The following MTCL2 variants were observed in gnomAD, a reference collection of about 807,000 sequenced individuals.
MTCL2 encodes microtubule cross-linking factor 2.
At chr20:36,806,383 G>A in the MTCL2 span, among the ~76,000 whole-genome samples, 4 of 152,126 alleles carry the variant, frequency 2.6e-5, no homozygotes, top group African/African-American at 9.7e-5. Context: ...CAATCCTCCT[G>A]CCTCAGCCTC....
the MTCL2 span, chr20:36,815,192 G>A: frequency 6.2e-7 from 1 of 1,613,836 alleles, no homozygotes; most frequent in South Asian, 1.1e-5. This position sits in a 1 kb window ranked among gnomAD's most constrained non-coding sequence, Gnocchi z 5.3. Flanking sequence ...AGCCCAAGGG[G>A]GGCAGTGATG....
the MTCL2 span, among the ~76,000 whole-genome samples, chr20:36,810,436 C>G: frequency 4.6e-5 from 7 of 152,128 alleles, no homozygotes; most frequent in African/African-American, 1.4e-4. Flanking sequence ...ATTTTAGAAA[C>G]AACTTAGATA....
the MTCL2 span, chr20:36,793,085 A>C: frequency 2.4e-6 from 2 of 847,480 alleles, no homozygotes; most frequent in Non-Finnish European, 3.5e-6. The surrounding 1 kb of genome is among the most constrained non-coding windows in gnomAD (Gnocchi z 6.8). Flanking sequence ...TTGTATTTTT[A>C]GTAGAGATGG....
chr20:36,810,717 C>CTCTCTCTCTCTCTCTCTCTCTCT, the MTCL2 span, among the ~76,000 whole-genome samples: 1 of 94,192 alleles, frequency 1.1e-5, no homozygotes, highest in African/African-American at 4.0e-5. Flanking sequence ...TCTCTCTCTC[C>CTCTCTCTCTCTCTCTCTCTCTCT]CTCTCTCTCT....
chr20:36,853,749 T>G, the MTCL2 span, among the ~76,000 whole-genome samples: 7 of 149,522 alleles, frequency 4.7e-5, no homozygotes, highest in African/African-American at 9.9e-5. Flanking sequence ...GTGTGGTGGT[T>G]GTTGTTGGTA....
chr20:36,823,427 C>T, the MTCL2 span, among the ~76,000 whole-genome samples: 1 of 152,154 alleles, frequency 6.6e-6, no homozygotes, highest in Non-Finnish European at 1.5e-5. Flanking sequence ...AATAATAAGT[C>T]CTTAGTCTGT....
chr20:36,808,389 G>A, the MTCL2 span: 3 of 747,776 alleles, frequency 4.0e-6, no homozygotes, highest in Non-Finnish European at 6.5e-6. Flanking sequence ...ATGCAGGAAG[G>A]AAGCCTGCAT....
At chr20:36,827,965 C>T in the MTCL2 span, among the ~76,000 whole-genome samples, 1 of 152,194 alleles carries the variant, frequency 6.6e-6, no homozygotes, top group Non-Finnish European at 1.5e-5. Context: ...TCCCTGCACA[C>T]TGAGAGGGCA....
chr20:36,816,123 T>C, the MTCL2 span: 1 of 1,613,104 alleles, frequency 6.2e-7, no homozygotes, highest in Non-Finnish European at 8.5e-7. Context: ...CTCCCGCGAG[T>C]GGGGGGCATC....
At chr20:36,840,782 C>A in the MTCL2 span, among the ~76,000 whole-genome samples, 1 of 150,530 alleles carries the variant, frequency 6.6e-6, no homozygotes, top group Non-Finnish European at 1.5e-5. Flanking sequence ...GGAGGCGGAG[C>A]TTGCAGTGAG....
At chr20:36,830,104 G>GATTA in the MTCL2 span, among the ~76,000 whole-genome samples, 19 of 152,156 alleles carry the variant, frequency 1.2e-4, no homozygotes, top group Non-Finnish European at 2.6e-4. Context: ...GAGTAGCTGA[G>GATTA]ATTACAGGCA....
chr20:36,848,368 A>C, the MTCL2 span, among the ~76,000 whole-genome samples: 1 of 152,212 alleles, frequency 6.6e-6, no homozygotes, highest in East Asian at 1.9e-4. Context: ...CCCTCGATGG[A>C]CTGATTCCCA....
the MTCL2 span, among the ~76,000 whole-genome samples, chr20:36,822,784 G>T: frequency 6.6e-6 from 1 of 150,682 alleles, no homozygotes; most frequent in Non-Finnish European, 1.5e-5. Flanking sequence ...TTGAGACAGG[G>T]TCTCACTCTG....
the MTCL2 span, among the ~76,000 whole-genome samples, chr20:36,834,581 C>T: frequency 6.6e-6 from 1 of 152,082 alleles, no homozygotes; most frequent in East Asian, 1.9e-4. Context: ...GGCCTACCCT[C>T]GCCCCCAGAC....
At chr20:36,810,979 C>T in the MTCL2 span, among the ~76,000 whole-genome samples, 187 of 152,210 alleles carry the variant, frequency 1.2e-3, 2 homozygotes, top group South Asian at 2.9e-3. Context: ...ACCTGGGCCT[C>T]CCAAAGTGCT....
the MTCL2 span, among the ~76,000 whole-genome samples, chr20:36,826,878 G>A: frequency 1.3e-5 from 2 of 151,950 alleles, no homozygotes; most frequent in African/African-American, 2.4e-5. Context: ...TGAGATTGCT[G>A]GATCATATGA....
chr20:36,839,253 G>A, the MTCL2 span: 18,938 of 1,607,336 alleles, frequency 0.012, 149 homozygotes, highest in South Asian at 0.015. This position sits in a 1 kb window ranked among gnomAD's most constrained non-coding sequence, Gnocchi z 5.1. Flanking sequence ...TAAGCTCGCC[G>A]TCCACCTGGC....
chr20:36,829,016 G>A, the MTCL2 span: 1 of 1,508,034 alleles, frequency 6.6e-7, no homozygotes, highest in Admixed American at 2.1e-5. Context: ...GTGCCCACCT[G>A]CCCTAGGCTG....
chr20:36,863,409 T>G, the MTCL2 span: 4 of 1,106,442 alleles, frequency 3.6e-6, no homozygotes, highest in South Asian at 1.3e-4. The surrounding 1 kb of genome is among the most constrained non-coding windows in gnomAD (Gnocchi z 6.2). Context: ...TCGACGTCCC[T>G]GGGGAGGGAC....
Sources: allele counts gnomAD v4.1 joint callset (sites outside exome capture counted in the v4.1 genomes callset), GRCh38; gene constraint gnomAD v4.1.1; non-coding constraint Gnocchi (gnomAD v3.1); transcripts MANE v1.5; gene names NCBI Gene and HGNC (gene_info 2026-07-23, HGNC 2026-07-21).